Variants in PRKG1 observed in about 807,000 individuals in gnomAD.
PRKG1 encodes protein kinase cGMP-dependent 1.
PRKG1 carries 35 observed loss-of-function variants against 88.1 expected under a neutral mutation model. That is an observed-to-expected ratio of 0.40 (90% CI 0.30 to 0.53). The LOEUF (loss-of-function observed/expected upper bound fraction) is 0.53, where lower values mean the gene tolerates loss of function less well. Among genes scored for constraint, PRKG1 ranks in the 20% least tolerant of loss-of-function variants. The pLI is 0.59. For synonymous variants in PRKG1, 303 were observed against 292.5 expected (o/e 1.04, Z -0.37); for missense variants, 540 against 839.8 (o/e 0.64, Z 4.41).
In PRKG1 at chr10:51,523,761, C is replaced by T. The variant is rs1841798839; in HGVS notation, c.592+55925C>T. 5.9e-5 allele frequency among the ~76,000 whole-genome samples: 9 copies of T among 152,272 alleles called. No homozygotes were observed. The South Asian group carries it at 1.9e-3, about 32-fold the overall frequency. On this transcript the variant is annotated intron_variant, in intron 3 of 17. Transcript: ENST00000373980. Reference sequence around the variant, plus strand: ...AAATCTGAGATGCATGTTATTAGCTCAAAGCATTAAAGTGGAAAATAAACA... The same window carrying T: ...AAATCTGAGATGCATGTTATTAGCTTAAAGCATTAAAGTGGAAAATAAACA...
At chr10:51,430,740 C>T (rs745512702) in intron 2 of PRKG1, among the ~76,000 whole-genome samples, 16 of 152,088 alleles carry the variant, frequency 1.1e-4, no homozygotes, top group Admixed American at 7.2e-4. Flanking sequence ...CGTGTTATGT[C>T]CATACAATGG....
intron 5 of PRKG1, among the ~76,000 whole-genome samples, chr10:52,034,337 TA>T (rs1246010560): frequency 2.5e-5 from 3 of 120,040 alleles, no homozygotes; most frequent in Admixed American, 8.5e-5. Context: ...CAAGCGGGAT[TA>T]GGGGTGACGT....
chr10:52,241,155 T>A (rs1163045142), intron 9 of PRKG1, among the ~76,000 whole-genome samples: 2 of 152,140 alleles, frequency 1.3e-5, no homozygotes, highest in Non-Finnish European at 2.9e-5. Flanking sequence ...AATCAGGGTC[T>A]CCTGCCTGCC....
At chr10:51,862,516 G>A (rs1293549763) in intron 4 of PRKG1, among the ~76,000 whole-genome samples, 1 of 152,150 alleles carries the variant, frequency 6.6e-6, no homozygotes, top group Non-Finnish European at 1.5e-5. Flanking sequence ...TGTGTGAGAA[G>A]GGGCCCGAAA....
chr10:51,127,384 A>G lies in PRKG1; in HGVS notation c.312-25780A>G, dbSNP rs9415728. Among the ~76,000 whole-genome samples the G allele has an allele frequency of 6.5e-3, 988 of 152,306 alleles. 9 individuals carry two copies. Among genetic ancestry groups the G allele is most frequent in the African/African-American group, 0.023 (939 of 41,566 alleles). The stretch of plus-strand genomic sequence containing the variant: ...GCTCAACATCACTGATCATTAGAGA[A>G]ATGCAAATCAAAACCATAATGAGAT... On this transcript the variant is annotated intron_variant, in intron 1 of 17. Transcript: ENST00000373980.
chr10:52,261,149 T>C (rs997997185), intron 10 of PRKG1, among the ~76,000 whole-genome samples: 5 of 151,924 alleles, frequency 3.3e-5, no homozygotes, highest in Non-Finnish European at 7.4e-5. Context: ...AAAAAAACCT[T>C]ATCTCCTCTT....
At chr10:51,055,403 T>C (rs1424133630) in intron 1 of PRKG1, among the ~76,000 whole-genome samples, 1 of 152,214 alleles carries the variant, frequency 6.6e-6, no homozygotes. Flanking sequence ...GTAGATTCTT[T>C]AGATTATTTT....
chr10:51,388,715 G>T (rs1444398), intron 2 of PRKG1, among the ~76,000 whole-genome samples: 1 of 151,946 alleles, frequency 6.6e-6, no homozygotes, highest in African/African-American at 2.4e-5. Flanking sequence ...AAAACAAATT[G>T]TCTAGGAAAG....
chr10:52,205,843 T>A (rs111512349), intron 9 of PRKG1, among the ~76,000 whole-genome samples: 17 of 151,036 alleles, frequency 1.1e-4, no homozygotes, highest in African/African-American at 2.4e-4. Context: ...CTGCTTAAAA[T>A]TTTTTTTTTC....
intron 1 of PRKG1, among the ~76,000 whole-genome samples, chr10:51,101,890 G>C (rs1844692730): frequency 6.6e-6 from 1 of 152,204 alleles, no homozygotes; most frequent in Non-Finnish European, 1.5e-5. Flanking sequence ...TAGATGAATT[G>C]ATTAAAATGT....
At chr10:51,503,976 C>T (rs139318201) in intron 3 of PRKG1, among the ~76,000 whole-genome samples, 125 of 152,234 alleles carry the variant, frequency 8.2e-4, no homozygotes, top group African/African-American at 2.9e-3. Context: ...GGTTCATTCA[C>T]TGTTGTTTGA....
intron 3 of PRKG1, among the ~76,000 whole-genome samples, chr10:51,484,548 A>G (rs1215962619): frequency 6.6e-6 from 1 of 152,110 alleles, no homozygotes; most frequent in Non-Finnish European, 1.5e-5. Flanking sequence ...AAGTGCTGGG[A>G]TTATAGACAT....
At chr10:51,774,368 C>T (rs1460945303) in intron 3 of PRKG1, among the ~76,000 whole-genome samples, 1 of 151,776 alleles carries the variant, frequency 6.6e-6, no homozygotes, top group East Asian at 1.9e-4. Flanking sequence ...CTATTTTTTC[C>T]CCTTATACTA....
intron 2 of PRKG1, among the ~76,000 whole-genome samples, chr10:51,415,421 A>G (rs293242): frequency 0.73 from 111,390 of 151,952 alleles, 41,106 homozygotes; most frequent in Non-Finnish European, 0.76. Context: ...GCTGTTTCTG[A>G]TGCTTCTGTT....
chr10:52,212,847 GC>G, intron 9 of PRKG1, among the ~76,000 whole-genome samples: 1 of 152,190 alleles, frequency 6.6e-6, no homozygotes, highest in Non-Finnish European at 1.5e-5. Context: ...AGGGATTGTA[GC>G]TTTTTCCTAT....
At chr10:51,328,916 T>A (rs1038508025) in intron 2 of PRKG1, among the ~76,000 whole-genome samples, 3 of 152,162 alleles carry the variant, frequency 2.0e-5, no homozygotes, top group Non-Finnish European at 4.4e-5. Flanking sequence ...GGAACAGGCG[T>A]TGCCCATTTT....
At chr10:51,959,330 T>C (rs747075141) in intron 5 of PRKG1, among the ~76,000 whole-genome samples, 4 of 152,132 alleles carry the variant, frequency 2.6e-5, no homozygotes, top group Non-Finnish European at 5.9e-5. Context: ...TTGAAAGATA[T>C]CTAGGAATTT....
intron 1 of PRKG1, among the ~76,000 whole-genome samples, chr10:51,058,234 TC>T (rs1228844625): frequency 6.6e-6 from 1 of 152,176 alleles, no homozygotes; most frequent in Non-Finnish European, 1.5e-5. Context: ...CAAGATAGCA[TC>T]CGACTTAACC....
chr10:51,669,673 C>T (rs937086217), intron 3 of PRKG1, among the ~76,000 whole-genome samples: 2 of 151,960 alleles, frequency 1.3e-5, no homozygotes, highest in African/African-American at 2.4e-5. Context: ...ATTAGTTTTC[C>T]CAATATCTAT....
Sources: gnomAD v4.1 joint callset for allele counts (sites outside exome capture counted in the v4.1 genomes callset) on GRCh38, gnomAD v4.1.1 for gene constraint, MANE v1.5 for transcripts, NCBI Gene and HGNC (gene_info 2026-07-23, HGNC 2026-07-21) for gene names.